TOX: variants seen among roughly 807,000 people sequenced by gnomAD.
TOX encodes the protein thymocyte selection associated high mobility group box, also known as thymocyte selection-associated high mobility group box protein TOX.
In TOX, 11 loss-of-function variants were observed where a neutral mutation model predicts 53.7. That is an observed-to-expected ratio of 0.20 (90% CI 0.13 to 0.34). The LOEUF (loss-of-function observed/expected upper bound fraction) is 0.34. Ranked by LOEUF, TOX falls within the 10% of genes least tolerant of loss-of-function variation. The pLI is 1.00. For synonymous variants in TOX, 225 were observed against 245.3 expected, an observed-to-expected ratio of 0.92 and a Z score of 0.77; for missense variants, 570 against 664.6, an observed-to-expected ratio of 0.86 and a Z score of 1.56.
At chr8:58,907,128 C>A (rs894836381) in intron 3 of TOX, among the ~76,000 whole-genome samples, 1 of 152,226 alleles carries the variant, frequency 6.6e-6, no homozygotes, top group Non-Finnish European at 1.5e-5. Flanking sequence ...CTCCATCCCT[C>A]CTGTATTTCC....
At chr8:58,888,152 A>G (rs1811503473) in intron 3 of TOX, among the ~76,000 whole-genome samples, 2 of 152,106 alleles carry the variant, frequency 1.3e-5, no homozygotes, top group Admixed American at 1.3e-4. Flanking sequence ...TGGGTCCACC[A>G]TCATATATGC....
At chr8:59,100,854 A>AT (rs1563446723) in intron 1 of TOX, among the ~76,000 whole-genome samples, 1 of 152,194 alleles carries the variant, frequency 6.6e-6, no homozygotes, top group Non-Finnish European at 1.5e-5. Context: ...ATGAACTCCC[A>AT]TTTTTTATTT....
intron 1 of TOX, among the ~76,000 whole-genome samples, chr8:59,075,475 T>A (rs1358571822): frequency 1.3e-5 from 2 of 152,146 alleles, no homozygotes; most frequent in African/African-American, 4.8e-5. Flanking sequence ...TCCGTGCAGC[T>A]CATGACCTTT....
At chr8:58,885,410 T>C (rs1811449221) in intron 3 of TOX, among the ~76,000 whole-genome samples, 1 of 152,128 alleles carries the variant, frequency 6.6e-6, no homozygotes, top group Non-Finnish European at 1.5e-5. Flanking sequence ...GTCTCTTTTC[T>C]GGATAGCTTT....
intron 3 of TOX, among the ~76,000 whole-genome samples, chr8:58,929,243 T>A (rs10094258): frequency 6.6e-6 from 1 of 151,648 alleles, no homozygotes; most frequent in Non-Finnish European, 1.5e-5. Context: ...ACACGCTCTC[T>A]GGATGATTTT....
intron 5 of TOX, among the ~76,000 whole-genome samples, chr8:58,827,209 G>A (rs769915170): frequency 2.6e-5 from 4 of 152,032 alleles, no homozygotes; most frequent in Admixed American, 6.6e-5. Flanking sequence ...TATTGATGAA[G>A]GTTCCCAGGG....
chr8:58,971,058 T>G (rs938099133), intron 1 of TOX, among the ~76,000 whole-genome samples: 1 of 152,214 alleles, frequency 6.6e-6, no homozygotes, highest in African/African-American at 2.4e-5. Flanking sequence ...AGATAATGGC[T>G]AAAAGCTTCA....
At chr8:58,921,665 C>T (rs1243667956) in intron 3 of TOX, among the ~76,000 whole-genome samples, 1 of 152,168 alleles carries the variant, frequency 6.6e-6, no homozygotes, top group Non-Finnish European at 1.5e-5. Flanking sequence ...CTTCTCTGCC[C>T]TTCCCTACAA....
chr8:59,045,928 G>A (rs149355030), intron 1 of TOX, among the ~76,000 whole-genome samples: 2 of 152,292 alleles, frequency 1.3e-5, no homozygotes, highest in Non-Finnish European at 2.9e-5. Context: ...AGTGAAACAA[G>A]GCTCCAGCTG....
intron 2 of TOX, among the ~76,000 whole-genome samples, chr8:58,949,458 T>C (rs1812581065): frequency 6.6e-6 from 1 of 152,212 alleles, no homozygotes; most frequent in African/African-American, 2.4e-5. Flanking sequence ...TCTCTACTTA[T>C]GCTCAAATGG....
At chr8:58,950,139 T>A (rs1812596412) in intron 2 of TOX, among the ~76,000 whole-genome samples, 1 of 72,030 alleles carries the variant, frequency 1.4e-5, no homozygotes, top group South Asian at 6.1e-4. Flanking sequence ...TATACACGTG[T>A]AATATACAAT....
chr8:58,870,887 T>C (rs114057221), intron 3 of TOX, among the ~76,000 whole-genome samples: 3,428 of 152,230 alleles, frequency 0.023, 149 homozygotes, highest in African/African-American at 0.077. Flanking sequence ...TAGGATCTTT[T>C]ATTCAATATT....
intron 3 of TOX, among the ~76,000 whole-genome samples, chr8:58,892,277 TA>T (rs1191671142): frequency 6.6e-6 from 1 of 152,146 alleles, no homozygotes. Flanking sequence ...TACAAAGTTT[TA>T]AAGGAGGCAG....
chr8:58,937,820 T>G (rs1322644683), intron 3 of TOX, among the ~76,000 whole-genome samples: 1 of 151,928 alleles, frequency 6.6e-6, no homozygotes, highest in Non-Finnish European at 1.5e-5. Flanking sequence ...GGAACAGGGG[T>G]CCCTACAGAG....
At chr8:58,956,106 G>C (rs553598939) in intron 2 of TOX, among the ~76,000 whole-genome samples, 8 of 152,234 alleles carry the variant, frequency 5.3e-5, no homozygotes, top group African/African-American at 1.7e-4. Context: ...CTTCAAAACT[G>C]AAAAATCAAA....
At chr8:59,082,423 A>C (rs545384143) in intron 1 of TOX, among the ~76,000 whole-genome samples, 1 of 152,376 alleles carries the variant, frequency 6.6e-6, no homozygotes, top group South Asian at 2.1e-4. Flanking sequence ...AGGCCAAACT[A>C]GTAGTTTGCT....
At chr8:58,908,108 C>T (rs1285984325) in intron 3 of TOX, among the ~76,000 whole-genome samples, 5 of 152,222 alleles carry the variant, frequency 3.3e-5, no homozygotes, top group Non-Finnish European at 5.9e-5. Flanking sequence ...AGAGCCCCCG[C>T]CATAGGCCCC....
intron 1 of TOX, among the ~76,000 whole-genome samples, chr8:59,012,271 T>C (rs760287307): frequency 1.3e-5 from 2 of 152,072 alleles, no homozygotes; most frequent in African/African-American, 2.4e-5. Context: ...CACAGTCAGA[T>C]GATATGTTTG....
At chr8:59,016,744 C>A (rs1173858867) in intron 1 of TOX, among the ~76,000 whole-genome samples, 1 of 152,156 alleles carries the variant, frequency 6.6e-6, no homozygotes, top group African/African-American at 2.4e-5. Context: ...AAACTAGCTG[C>A]AGAGGAAAAG....
Sources: gnomAD v4.1 joint callset for allele counts (sites outside exome capture counted in the v4.1 genomes callset) on GRCh38, gnomAD v4.1.1 for gene constraint, MANE v1.5 for transcripts, NCBI Gene and HGNC (gene_info 2026-07-23, HGNC 2026-07-21) for gene names.